The following GREM1 variants were observed in gnomAD, a reference collection of about 807,000 sequenced individuals.
GREM1 encodes gremlin 1, DAN family BMP antagonist, also known as gremlin-1.
In GREM1, 6 loss-of-function variants were observed where a neutral mutation model predicts 13.1. The ratio of observed to expected loss-of-function variants is 0.46; its 90% CI spans 0.25 to 0.91. The LOEUF (loss-of-function observed/expected upper bound fraction) is 0.91, where lower values mean the gene tolerates loss of function less well. Ranked by LOEUF, GREM1 falls within the 40% of genes least tolerant of loss-of-function variation. The pLI is 0.18. For synonymous variants in GREM1, 98 were observed against 93.7 expected (o/e 1.05, Z -0.27); for missense variants, 185 against 233.9 (o/e 0.79, Z 1.36).
At position 32,736,359 on chromosome 15, in the gene GREM1, T is replaced by C. The variant is rs2055697409; in HGVS notation, c.*5114T>C. ...GAAAAAGAGATTTTCATAGGGACTTTGAAAAGCTCCAAAGTGTTATTGGCA... is the reference window on the plus strand; with the variant it reads ...GAAAAAGAGATTTTCATAGGGACTTCGAAAAGCTCCAAAGTGTTATTGGCA... On this transcript the variant is annotated 3_prime_UTR_variant, in exon 2 of 2. Coordinates refer to ENST00000651154, the MANE Select transcript of GREM1 (RefSeq NM_013372.7). 6.6e-6 allele frequency: 1 copy of C among 152,184 alleles called. No individual in the cohort carries two copies. The highest frequency in any genetic ancestry group is 2.1e-4 in the South Asian group (1 of 4,822). The allele number at this position is 152,184 out of a possible 1,614,324, so 9.4% of individuals were successfully genotyped here. A position where few individuals can be genotyped will look rare whatever the true frequency, so the allele number is the denominator to read the frequency against.
Position 32,733,261 on chromosome 15 carries a change from T to A in GREM1, c.*2016T>A, listed in dbSNP as rs1253783138. The A allele has an allele frequency of 1.3e-5, 3 of 225,516 alleles. No homozygotes were observed. In the East Asian group the frequency reaches 2.1e-4, roughly 16 times the overall value. The allele number at this position is 225,516 out of a possible 1,614,324, so 14.0% of individuals were successfully genotyped here. On this transcript the variant is annotated 3_prime_UTR_variant, in exon 2 of 2. Transcript: ENST00000651154. ...CAATAAAGCACAGAGTGGATTTAATTAAGCACACAAATGCTAAGGCAGAAT... is the reference window on the plus strand; with the variant it reads ...CAATAAAGCACAGAGTGGATTTAATAAAGCACACAAATGCTAAGGCAGAAT...
At chr15:32,730,667 C>T (rs538020861) in intron 1 of GREM1, 23 bp from the exon 2 acceptor site, 3 of 1,495,390 alleles carry the variant, frequency 2.0e-6, no homozygotes, top group Non-Finnish European at 2.7e-6. Flanking sequence ...GTGTCTTCCC[C>T]TCTCTGTGCT....
rs1207431113 is a variant in GREM1 at position 32,735,991 on chromosome 15, T to A, written c.*4746T>A. On this transcript the variant is annotated 3_prime_UTR_variant, in exon 2 of 2. Coordinates refer to ENST00000651154, the MANE Select transcript of GREM1 (RefSeq NM_013372.7). ...TCTGTGAGCACTGTGATATTGTAACTTGCACTACTCTCATCTCCCCCTCTC... is the reference window on the plus strand; with the variant it reads ...TCTGTGAGCACTGTGATATTGTAACATGCACTACTCTCATCTCCCCCTCTC... The A allele has an allele frequency of 4.6e-5, 7 of 152,198 alleles. No individual in the cohort carries two copies. Among genetic ancestry groups the A allele is most frequent in the Admixed American group, 3.9e-4 (6 of 15,270 alleles). The allele number at this position is 152,198 out of a possible 1,614,324, so 9.4% of individuals were successfully genotyped here.
chr15:32,721,356 A>G (rs1398657987), intron 1 of GREM1, among the ~76,000 whole-genome samples: 3 of 152,182 alleles, frequency 2.0e-5, no homozygotes, highest in Non-Finnish European at 4.4e-5. Flanking sequence ...CTGGCACAGT[A>G]AGGGCTTCAA....
rs1305359272 is a variant in GREM1, at chr15:32,731,551, C to T, written c.*306C>T. ...CGGCTCACATCTAAAGGGGCGGGGC[C>T]GTGGTCTGGTTCTGACTTTGTGTTT... On this transcript the variant is annotated 3_prime_UTR_variant, in exon 2 of 2. Coordinates refer to ENST00000651154, the MANE Select transcript of GREM1 (RefSeq NM_013372.7). The T allele has an allele frequency of 1.9e-5, 8 of 421,930 alleles. No homozygotes were observed. Among genetic ancestry groups the T allele is most frequent in the Admixed American group, 8.3e-5 (2 of 24,038 alleles). The allele number at this position is 421,930 out of a possible 1,614,324, so 26.1% of individuals were successfully genotyped here.
chr15:32,728,851 A>G (rs540487744), intron 1 of GREM1, among the ~76,000 whole-genome samples: 1 of 152,244 alleles, frequency 6.6e-6, no homozygotes, highest in South Asian at 2.1e-4. Flanking sequence ...AACTGCATCC[A>G]TTGAAAAGAA....
In GREM1 at chr15:32,734,938, G is replaced by A. The variant is rs763868490; in HGVS notation, c.*3693G>A. 37 of 160,362 alleles carry A rather than the reference G, an allele frequency of 2.3e-4. No homozygotes were observed. The highest frequency in any genetic ancestry group is 5.5e-3 in the Middle Eastern group (2 of 362). The allele number at this position is 160,362 out of a possible 1,614,324, so 9.9% of individuals were successfully genotyped here. ...AAGAACTATAGAGTGTTATAAGGGAGGCCCTGAGATGGAAGGACCATCACA... is the reference window on the plus strand; with the variant it reads ...AAGAACTATAGAGTGTTATAAGGGAAGCCCTGAGATGGAAGGACCATCACA... On this transcript the variant is annotated 3_prime_UTR_variant, in exon 2 of 2. Coordinates refer to ENST00000651154, the MANE Select transcript of GREM1 (RefSeq NM_013372.7).
At chr15:32,719,861 T>C (rs1435894766) in intron 1 of GREM1, among the ~76,000 whole-genome samples, 1 of 152,118 alleles carries the variant, frequency 6.6e-6, no homozygotes, top group Non-Finnish European at 1.5e-5. Flanking sequence ...CTTTTCTCTT[T>C]TTTTGGAAGG....
At chr15:32,723,625 T>TA (rs1262168895) in intron 1 of GREM1, among the ~76,000 whole-genome samples, 695 of 31,462 alleles carry the variant, frequency 0.022, 13 homozygotes, top group African/African-American at 0.05. Context: ...GTACTTTTCT[T>TA]TAAAAAAAAA....
rs527668911 is a variant in GREM1, at chr15:32,735,882, T to C, written c.*4637T>C. On this transcript the variant is annotated 3_prime_UTR_variant, in exon 2 of 2. Coordinates refer to ENST00000651154, the MANE Select transcript of GREM1 (RefSeq NM_013372.7). ...AAAACTAATGAGAATGTGACAAAAA[T>C]AGATTCAACTTCTTATAGCTCTGGA... 6.6e-5 allele frequency: 10 copies of C among 151,460 alleles called. No homozygotes were observed. The highest frequency in any genetic ancestry group is 2.4e-4 in the African/African-American group (10 of 40,906). 9.4% of individuals were successfully genotyped at this position (151,460 alleles called of 1,614,324 possible).
At chr15:32,720,734 A>G (rs1185109798) in intron 1 of GREM1, among the ~76,000 whole-genome samples, 1 of 151,928 alleles carries the variant, frequency 6.6e-6, no homozygotes, top group African/African-American at 2.4e-5. Context: ...TAATTATTTT[A>G]TTTATAGCAC....
At chr15:32,728,119 G>GA (rs1335317400) in intron 1 of GREM1, among the ~76,000 whole-genome samples, 1 of 151,904 alleles carries the variant, frequency 6.6e-6, no homozygotes, top group Non-Finnish European at 1.5e-5. Context: ...TTCCTTCACA[G>GA]AATTAGAAAA....
In GREM1 at chr15:32,736,852, A is replaced by G. The variant is rs1378318697; in HGVS notation, c.*5607A>G. 3.3e-5 allele frequency: 5 copies of G among 152,298 alleles called. No individual in the cohort carries two copies. In the South Asian group the frequency reaches 1.0e-3, roughly 32 times the overall value. The allele number at this position is 152,298 out of a possible 1,614,324, so 9.4% of individuals were successfully genotyped here. ...CTAAACATCATAAAAAGCCCAAACC[A>G]GTCTCCTTTCCTGGCTCTCTCAAGT... On this transcript the variant is annotated 3_prime_UTR_variant, in exon 2 of 2. Coordinates refer to ENST00000651154, the MANE Select transcript of GREM1 (RefSeq NM_013372.7).
chr15:32,730,365 T>C (rs1336931419), intron 1 of GREM1, among the ~76,000 whole-genome samples: 4 of 152,132 alleles, frequency 2.6e-5, no homozygotes, highest in Non-Finnish European at 4.4e-5. Flanking sequence ...CCTCAATAAG[T>C]GAACGTAATA....
chr15:32,727,026 A>C (rs977433600), intron 1 of GREM1, among the ~76,000 whole-genome samples: 1 of 152,196 alleles, frequency 6.6e-6, no homozygotes, highest in Non-Finnish European at 1.5e-5. Flanking sequence ...GTAGCCTACC[A>C]ACCAAAAAAA....
Position 32,738,902 on chromosome 15 carries a change from T to TGCAG in GREM1, c.*7657_*7658insGCAG, listed in dbSNP as rs2055737540. ...ATGAGGATCACTTGAGCCCAGAAGA[T>TGCAG]TGTACCACTGCACTCCAGCCTACAT... On this transcript the variant is annotated 3_prime_UTR_variant, in exon 2 of 2. Coordinates refer to ENST00000651154, the MANE Select transcript of GREM1 (RefSeq NM_013372.7). The TGCAG allele has an allele frequency of 6.6e-6, 1 of 152,140 alleles. No homozygotes were observed. The highest frequency in any genetic ancestry group is 1.5e-5 in the Non-Finnish European group (1 of 68,044). The allele number at this position is 152,140 out of a possible 1,614,324, so 9.4% of individuals were successfully genotyped here.
rs939679784 is a variant in GREM1 at position 32,734,023 on chromosome 15, G to A, written c.*2778G>A. The A allele has an allele frequency of 1.4e-4, 35 of 242,178 alleles. No individual in the cohort carries two copies. The highest frequency in any genetic ancestry group is 7.3e-4 in the African/African-American group (33 of 45,084). 15.0% of individuals were successfully genotyped at this position (242,178 alleles called of 1,614,324 possible). ...TATTACTTCAAATCCTTTGGTCACT[G>A]TGATTTCAAGCATGTTTTCTTTTTC... On this transcript the variant is annotated 3_prime_UTR_variant, in exon 2 of 2. Coordinates refer to ENST00000651154, the MANE Select transcript of GREM1 (RefSeq NM_013372.7).
In GREM1 at chr15:32,739,778, C is replaced by T. The variant is rs1567118158; in HGVS notation, c.*8533C>T. ...GATACCACCTTGTCCGAATCCCTAA[C>T]CCCAGCACAGTGCCATGTAGTCAGC... is the stretch of plus-strand genomic sequence containing the variant. On this transcript the variant is annotated 3_prime_UTR_variant, in exon 2 of 2. Transcript: ENST00000651154. 1 of 152,252 alleles carries T rather than the reference C, an allele frequency of 6.6e-6. No homozygotes were observed. Among genetic ancestry groups the T allele is most frequent in the Admixed American group, 6.5e-5 (1 of 15,274 alleles). The allele number at this position is 152,252 out of a possible 1,614,324, so 9.4% of individuals were successfully genotyped here.
intron 1 of GREM1, among the ~76,000 whole-genome samples, chr15:32,730,100 A>C (rs1291642540): frequency 1.3e-5 from 2 of 152,202 alleles, no homozygotes; most frequent in African/African-American, 4.8e-5. Flanking sequence ...GACATCTTTA[A>C]GATCAGATAG....
Sources: allele counts gnomAD v4.1 joint callset (sites outside exome capture counted in the v4.1 genomes callset), GRCh38; gene constraint gnomAD v4.1.1; transcripts MANE v1.5; gene names NCBI Gene and HGNC (gene_info 2026-07-23, HGNC 2026-07-21).